The following DNAH6 variants were observed in gnomAD, a reference collection of about 807,000 sequenced individuals.
DNAH6 encodes axonemal beta dynein heavy chain 6.
A neutral mutation model predicts 491.4 loss-of-function variants in DNAH6; 340 were observed. The observed-to-expected ratio is 0.69, with a 90% CI of 0.63 to 0.76. The LOEUF is 0.76. Among genes scored for constraint, DNAH6 ranks in the 30% least tolerant of loss-of-function variants. DNAH6 has a pLI of 0.00. For missense variants in DNAH6, 4,443 were observed against 4,972.2 expected, an observed-to-expected ratio of 0.89 and a Z score of 3.20; for synonymous variants, 1,603 against 1,686.1, an observed-to-expected ratio of 0.95 and a Z score of 1.21.
At chr2:84,769,865 A>C (rs1455935063) in intron 64 of DNAH6, among the ~76,000 whole-genome samples, 8 of 152,194 alleles carry the variant, frequency 5.3e-5, no homozygotes, top group Non-Finnish European at 1.2e-4. Flanking sequence ...AATCTCCTAC[A>C]TATTTTTGGG....
chr2:84,638,807 G>A (rs1261565459), intron 31 of DNAH6, among the ~76,000 whole-genome samples: 1 of 152,074 alleles, frequency 6.6e-6, no homozygotes, highest in Non-Finnish European at 1.5e-5. Flanking sequence ...GCATCTACTC[G>A]GTTTCTAGGG....
At chr2:84,516,167 G>C (rs1675574009), upstream of DNAH6, among the ~76,000 whole-genome samples, 1 of 152,162 alleles carries the variant, frequency 6.6e-6, no homozygotes, top group South Asian at 2.1e-4. Flanking sequence ...CCTCTTGAAG[G>C]AAAACAGAAA....
chr2:84,465,644 T>C, the DNAH6 span, among the ~76,000 whole-genome samples: 1 of 152,170 alleles, frequency 6.6e-6, no homozygotes, highest in Non-Finnish European at 1.5e-5. Flanking sequence ...ACTGGGCAAT[T>C]GAATTGTTGG....
intron 60 of DNAH6, among the ~76,000 whole-genome samples, chr2:84,724,206 G>A (rs535537435): frequency 1.3e-5 from 2 of 152,284 alleles, no homozygotes; most frequent in Admixed American, 1.3e-4. Context: ...GTAGAAAACA[G>A]TGGAGAATTG....
intron 44 of DNAH6, 22 bp from the exon 45 acceptor site, chr2:84,688,417 G>A (rs1240846046): frequency 6.8e-7 from 1 of 1,471,800 alleles, no homozygotes; most frequent in Non-Finnish European, 8.9e-7. Context: ...ATCCAACTTG[G>A]TTCTTCTCCC....
intron 37 of DNAH6, among the ~76,000 whole-genome samples, chr2:84,667,835 A>T (rs1692308264): frequency 6.6e-6 from 1 of 152,238 alleles, no homozygotes; most frequent in South Asian, 2.1e-4. Flanking sequence ...ACTTGGAACC[A>T]ACCCAAATGT....
the DNAH6 span, among the ~76,000 whole-genome samples, chr2:84,506,999 G>T: frequency 6.6e-6 from 1 of 152,190 alleles, no homozygotes; most frequent in South Asian, 2.1e-4. Flanking sequence ...GTCAGGTAGC[G>T]TGATGCCTCC....
rs552079335 is a variant in DNAH6, at chr2:84,665,322, T to C, written c.6085-3967T>C. On this transcript the variant is annotated intron_variant, in intron 37 of 76. Coordinates refer to ENST00000389394, the MANE Select transcript of DNAH6 (RefSeq NM_001370.2). ...CAATGAATCCAGGAGCTGGTTTTTT[T>C]AAAAGATCAACAAAATTGATAGACC... Among the ~76,000 whole-genome samples, 9 of 151,860 alleles carry C rather than the reference T, an allele frequency of 5.9e-5. No individual in the cohort carries two copies. The South Asian group carries it at 1.9e-3, about 32-fold the overall frequency.
At chr2:84,717,904 A>G (rs1697701256) in intron 58 of DNAH6, among the ~76,000 whole-genome samples, 1 of 152,214 alleles carries the variant, frequency 6.6e-6, no homozygotes, top group Non-Finnish European at 1.5e-5. Context: ...AAATTGAATG[A>G]TTAGAGAGAT....
rs1231071443 is a variant in DNAH6, at chr2:84,785,645, T to C, written c.10989T>C (p.Asn3663=). 6.5e-7 allele frequency: 1 copy of C among 1,547,704 alleles called. No homozygotes were observed. Among genetic ancestry groups the C allele is most frequent in the Non-Finnish European group, 8.7e-7 (1 of 1,145,812 alleles). The change falls in exon 67 of 77, where the codon AAT becomes AAC. Residue 3663 remains asparagine (N), a synonymous_variant. Transcript: ENST00000389394. The part of the protein sequence containing the change: ...TNEPPKGLRA[N]IRRAFTEMTP... ...AGCCTCCAAAAGGCTTACGTGCAAA[T>C]ATCAGACGAGCATTTACTGAAATGA...
At chr2:84,795,338 TA>T (rs1678238846) in intron 68 of DNAH6, among the ~76,000 whole-genome samples, 1 of 151,968 alleles carries the variant, frequency 6.6e-6, no homozygotes, top group African/African-American at 2.4e-5. Context: ...TAAAATAAAA[TA>T]AAATAAATTT....
At chr2:84,708,386 C>G (rs984283951) in intron 54 of DNAH6, among the ~76,000 whole-genome samples, 1 of 146,598 alleles carries the variant, frequency 6.8e-6, no homozygotes, top group South Asian at 2.2e-4. Flanking sequence ...CGGAGGTTGC[C>G]GTGAGTGGAG....
chr2:84,588,218 G>A (rs77467419), intron 15 of DNAH6, among the ~76,000 whole-genome samples: 4,339 of 152,266 alleles, frequency 0.028, 220 homozygotes, highest in African/African-American at 0.099. Context: ...GCATGGCCAT[G>A]CTGACTAAGA....
At chr2:84,553,628 A>ATTTTTTTTT (rs748931607) in intron 10 of DNAH6, among the ~76,000 whole-genome samples, 23 of 90,994 alleles carry the variant, frequency 2.5e-4, no homozygotes, top group East Asian at 7.0e-4. Context: ...AGGACTGGCT[A>ATTTTTTTTT]TTTTTTTTTT....
At chr2:84,807,748 C>T (rs1335551143) in intron 71 of DNAH6, among the ~76,000 whole-genome samples, 1 of 152,184 alleles carries the variant, frequency 6.6e-6, no homozygotes, top group African/African-American at 2.4e-5. Flanking sequence ...CAAAGCCAGG[C>T]ACACCTTCCT....
the DNAH6 span, among the ~76,000 whole-genome samples, chr2:84,470,706 C>T: frequency 6.6e-6 from 1 of 152,186 alleles, no homozygotes; most frequent in Non-Finnish European, 1.5e-5. Flanking sequence ...AATGCCTTAA[C>T]CATCTGGGAA....
chr2:84,509,908 T>G, the DNAH6 span, among the ~76,000 whole-genome samples: 1,111 of 152,352 alleles, frequency 7.3e-3, 15 homozygotes, highest in African/African-American at 0.025. Context: ...TGGCCCCCAC[T>G]CTCTTCTGCC....
intron 4 of DNAH6, among the ~76,000 whole-genome samples, chr2:84,541,759 G>A (rs1249540001): frequency 6.6e-6 from 1 of 152,206 alleles, no homozygotes; most frequent in Non-Finnish European, 1.5e-5. Flanking sequence ...GTGAGAGGGA[G>A]CTTGCCTTGT....
rs1558919673 is a variant in DNAH6 at position 84,693,729 on chromosome 2, C to A, written c.7293-520C>A. ...CCAGCCTGGGCAACAGAGCAAGACT[C>A]TATCTCAAAAAAAAAAAAAAAATTC... On this transcript the variant is annotated intron_variant, in intron 45 of 76. Transcript: ENST00000389394. 2.0e-5 allele frequency among the ~76,000 whole-genome samples: 3 copies of A among 146,560 alleles called. No individual in the cohort carries two copies. The South Asian group carries it at 6.4e-4, about 31-fold the overall frequency.
Sources: gnomAD v4.1 joint callset for allele counts (sites outside exome capture counted in the v4.1 genomes callset) on GRCh38, gnomAD v4.1.1 for gene constraint, MANE v1.5 for transcripts, NCBI Gene and HGNC (gene_info 2026-07-23, HGNC 2026-07-21) for gene names.